SLC35F3: variants seen among roughly 807,000 people sequenced by gnomAD.
SLC35F3 encodes putative thiamine transporter SLC35F3.
SLC35F3 carries 25 observed loss-of-function variants against 49.9 expected under a neutral mutation model. That is an observed-to-expected ratio of 0.50 (90% CI 0.37 to 0.70). The LOEUF is 0.70. Among genes scored for constraint, SLC35F3 ranks in the 30% least tolerant of loss-of-function variants. SLC35F3 has a pLI of 0.00. For synonymous variants in SLC35F3, 275 were observed against 265.4 expected (o/e 1.04, Z -0.35); for missense variants, 525 against 639.8 (o/e 0.82, Z 1.94).
intron 2 of SLC35F3, among the ~76,000 whole-genome samples, chr1:233,954,372 G>A (rs769408033): frequency 6.5e-4 from 99 of 152,106 alleles, no homozygotes; most frequent in South Asian, 1.0e-3. Context: ...AGGGGTGGGG[G>A]TGTGGTGGGA....
intron 2 of SLC35F3, among the ~76,000 whole-genome samples, chr1:234,013,260 G>A (rs570048650): frequency 1.3e-5 from 2 of 152,000 alleles, no homozygotes; most frequent in Admixed American, 6.5e-5. Context: ...AAATCAAAAG[G>A]GAAATTTTTA....
intron 3 of SLC35F3, chr1:234,272,554 A>G (rs1430681353): frequency 6.6e-6 from 1 of 152,266 alleles, no homozygotes; most frequent in Non-Finnish European, 1.5e-5. Flanking sequence ...TGAGTCATGA[A>G]GGAAGTCGAG....
chr1:234,253,014 A>T lies in SLC35F3; in HGVS notation c.608+21273A>T, dbSNP rs1386202494. 3.3e-5 allele frequency among the ~76,000 whole-genome samples: 5 copies of T among 152,344 alleles called. No individual in the cohort carries two copies. The East Asian group carries it at 9.6e-4, about 29-fold the overall frequency. On this transcript the variant is annotated intron_variant, in intron 3 of 7. Transcript: ENST00000366618. ...AGGAACTGGCTAAAGAGATTGTGGT[A>T]TACAACCTTTGGTAGAATGCTGTTC...
chr1:234,210,971 A>G (rs1231949783), intron 2 of SLC35F3, among the ~76,000 whole-genome samples: 1 of 152,230 alleles, frequency 6.6e-6, no homozygotes, highest in African/African-American at 2.4e-5. Flanking sequence ...TTCCTGGGCC[A>G]GGCCCAGGGT....
At chr1:233,987,132 C>CAA (rs58046704) in intron 2 of SLC35F3, among the ~76,000 whole-genome samples, 5 of 151,684 alleles carry the variant, frequency 3.3e-5, no homozygotes, top group African/African-American at 1.2e-4. Flanking sequence ...ACCAAAAATA[C>CAA]AAAAAAAATT....
intron 2 of SLC35F3, among the ~76,000 whole-genome samples, chr1:234,145,915 A>T (rs569338121): frequency 6.6e-6 from 1 of 152,148 alleles, no homozygotes; most frequent in East Asian, 1.9e-4. Flanking sequence ...TGATCATTGT[A>T]TCTTGTCACC....
intron 5 of SLC35F3, among the ~76,000 whole-genome samples, chr1:234,317,635 A>G (rs1002159265): frequency 3.9e-5 from 6 of 152,158 alleles, no homozygotes; most frequent in Non-Finnish European, 7.3e-5. Flanking sequence ...GGGAAAATGA[A>G]ATAACTCAGC....
intron 2 of SLC35F3, among the ~76,000 whole-genome samples, chr1:234,008,582 A>G (rs551050885): frequency 2.0e-5 from 3 of 152,130 alleles, no homozygotes; most frequent in African/African-American, 7.2e-5. Context: ...GAAGTGTTTT[A>G]CTCATCTCTA....
chr1:234,020,736 A>G (rs1221479445), intron 2 of SLC35F3, among the ~76,000 whole-genome samples: 1 of 152,144 alleles, frequency 6.6e-6, no homozygotes, highest in African/African-American at 2.4e-5. Flanking sequence ...TTCTGAATAC[A>G]ATAAGAGCCT....
At chr1:234,005,241 A>T (rs1663611435) in intron 2 of SLC35F3, among the ~76,000 whole-genome samples, 1 of 152,224 alleles carries the variant, frequency 6.6e-6, no homozygotes, top group Non-Finnish European at 1.5e-5. Context: ...AGAATGTTCT[A>T]AAACTACCCA....
At chr1:234,156,423 C>T (rs182948874) in intron 2 of SLC35F3, among the ~76,000 whole-genome samples, 300 of 152,118 alleles carry the variant, frequency 2.0e-3, no homozygotes, top group African/African-American at 6.7e-3. Flanking sequence ...ATCGAGTATG[C>T]GATATGGTGC....
At chr1:234,271,671 T>C (rs1245318519) in intron 3 of SLC35F3, among the ~76,000 whole-genome samples, 2 of 152,260 alleles carry the variant, frequency 1.3e-5, no homozygotes, top group African/African-American at 4.8e-5. Context: ...CATTGAGATT[T>C]GTGTCTCAGG....
chr1:234,152,701 T>G (rs1666093953), intron 2 of SLC35F3, among the ~76,000 whole-genome samples: 1 of 152,192 alleles, frequency 6.6e-6, no homozygotes, highest in Non-Finnish European at 1.5e-5. Context: ...TGTGCATGTG[T>G]CTTTATAGTA....
intron 3 of SLC35F3, among the ~76,000 whole-genome samples, chr1:234,237,916 C>T (rs1667500366): frequency 6.6e-6 from 1 of 152,112 alleles, no homozygotes; most frequent in Non-Finnish European, 1.5e-5. Flanking sequence ...GTTGCCCAGG[C>T]TAGTCTCATA....
chr1:234,175,662 C>CAAAA (rs35257762), intron 2 of SLC35F3, among the ~76,000 whole-genome samples: 11 of 98,658 alleles, frequency 1.1e-4, no homozygotes, highest in Middle Eastern at 5.6e-3. Flanking sequence ...GACCCTGTCT[C>CAAAA]AAAAAAAAAA....
At chr1:234,182,236 A>C (rs575861740) in intron 2 of SLC35F3, among the ~76,000 whole-genome samples, 2 of 152,332 alleles carry the variant, frequency 1.3e-5, no homozygotes, top group South Asian at 4.1e-4. Context: ...CATTGGCCAG[A>C]GCAAGCTTCT....
chr1:233,958,024 C>G (rs1357486557), intron 2 of SLC35F3, among the ~76,000 whole-genome samples: 9 of 152,112 alleles, frequency 5.9e-5, no homozygotes, highest in African/African-American at 1.2e-4. Context: ...CCTTGTGGCC[C>G]TTTGTGTAGC....
intron 2 of SLC35F3, among the ~76,000 whole-genome samples, chr1:234,040,318 A>G (rs1382317369): frequency 6.6e-6 from 1 of 152,130 alleles, no homozygotes; most frequent in Non-Finnish European, 1.5e-5. Flanking sequence ...TAGGCACAGA[A>G]TGGGGGAGCA....
At chr1:234,184,907 C>A (rs5781780) in intron 2 of SLC35F3, among the ~76,000 whole-genome samples, 11,088 of 152,164 alleles carry the variant, frequency 0.073, 1,283 homozygotes, top group African/African-American at 0.25. Flanking sequence ...TCAGGGCCTG[C>A]CCCCAGAGAG....
Sources: allele counts gnomAD v4.1 joint callset (sites outside exome capture counted in the v4.1 genomes callset), GRCh38; gene constraint gnomAD v4.1.1; transcripts MANE v1.5; gene names NCBI Gene and HGNC (gene_info 2026-07-23, HGNC 2026-07-21).